Variants in PRELID2 observed in about 807,000 individuals in gnomAD.
The protein encoded by PRELID2 is PRELI domain-containing protein 2.
A neutral mutation model predicts 28.4 loss-of-function variants in PRELID2; 25 were observed. The observed-to-expected ratio is 0.88, with a 90% confidence interval of 0.64 to 1.23. The LOEUF is 1.23. Ranked by LOEUF, PRELID2 falls within the 50% of genes most tolerant of loss-of-function variation. PRELID2 has a pLI of 0.00. For synonymous variants in PRELID2, 76 were observed against 71.6 expected, an observed-to-expected ratio of 1.06 and a Z score of -0.31; for missense variants, 201 against 214.4, an observed-to-expected ratio of 0.94 and a Z score of 0.39.
chr5:145,361,871 C>T, the PRELID2 span, among the ~76,000 whole-genome samples: 1 of 152,132 alleles, frequency 6.6e-6, no homozygotes, highest in Non-Finnish European at 1.5e-5. Context: ...TCTGGAAAGT[C>T]CCAAATCATG....
rs1210135833 is a variant in PRELID2, at chr5:145,578,362, G to A, written n.71-105047C>T. On this transcript the variant is annotated intron_variant and non_coding_transcript_variant, in intron 1 of 2. Coordinates refer to the PRELID2 transcript ENST00000510259. The stretch of plus-strand genomic sequence containing the variant: ...TTAAAATAACTTAGTAGAGCTGCAA[G>A]TGGTGGGAGTGCAAAGAAAGTATGA... Among the ~76,000 whole-genome samples the A allele has an allele frequency of 3.9e-5, 6 of 152,140 alleles. No individual in the cohort carries two copies. The South Asian group carries it at 6.2e-4, about 16-fold the overall frequency.
At chr5:145,817,036 C>G (rs2149856653) in intron 4 of PRELID2, among the ~76,000 whole-genome samples, 1 of 150,440 alleles carries the variant, frequency 6.6e-6, no homozygotes, top group South Asian at 2.1e-4. Context: ...GTGACACATG[C>G]CTGAAACCTT....
At chr5:145,342,136 G>A in the PRELID2 span, among the ~76,000 whole-genome samples, 5 of 152,170 alleles carry the variant, frequency 3.3e-5, no homozygotes, top group Non-Finnish European at 5.9e-5. Context: ...AACTACCAGC[G>A]AAGAATACTA....
At chr5:145,601,803 T>C (rs1580995160) in intron 1 of PRELID2, among the ~76,000 whole-genome samples, 1 of 152,268 alleles carries the variant, frequency 6.6e-6, no homozygotes, top group Middle Eastern at 3.4e-3. Flanking sequence ...TATTGAGAGA[T>C]AATCCTAGAA....
At chr5:145,538,653 T>C (rs1452762944) in intron 1 of PRELID2, among the ~76,000 whole-genome samples, 1 of 151,974 alleles carries the variant, frequency 6.6e-6, no homozygotes, top group Non-Finnish European at 1.5e-5. Flanking sequence ...CATGAGACTT[T>C]TTAACTCTGG....
chr5:145,702,850 C>G (rs570492765), intron 1 of PRELID2, among the ~76,000 whole-genome samples: 173 of 152,324 alleles, frequency 1.1e-3, no homozygotes, highest in African/African-American at 4.0e-3. Context: ...GAAGATACCA[C>G]TTCTATGTGG....
At chr5:145,307,023 A>G in the PRELID2 span, among the ~76,000 whole-genome samples, 1 of 152,226 alleles carries the variant, frequency 6.6e-6, no homozygotes, top group Non-Finnish European at 1.5e-5. Flanking sequence ...TGATCTTTAT[A>G]GTCTTGCCAG....
At chr5:145,785,502 A>C (rs1751936780) in intron 5 of PRELID2, among the ~76,000 whole-genome samples, 1 of 152,230 alleles carries the variant, frequency 6.6e-6, no homozygotes, top group Non-Finnish European at 1.5e-5. Flanking sequence ...CAAGTTATAC[A>C]CTAGATACAG....
the PRELID2 span, among the ~76,000 whole-genome samples, chr5:145,459,989 T>C: frequency 6.6e-6 from 1 of 152,116 alleles, no homozygotes; most frequent in East Asian, 1.9e-4. Context: ...TTTTGTATTT[T>C]TAGTAGAGAC....
the PRELID2 span, among the ~76,000 whole-genome samples, chr5:145,268,342 T>A: frequency 6.6e-6 from 1 of 152,186 alleles, no homozygotes; most frequent in Non-Finnish European, 1.5e-5. Flanking sequence ...GGCTCTAGTT[T>A]CATTCTTCTT....
the PRELID2 span, among the ~76,000 whole-genome samples, chr5:145,320,427 C>G: frequency 6.6e-6 from 1 of 152,166 alleles, no homozygotes; most frequent in Admixed American, 6.5e-5. Context: ...CCCGCCACTA[C>G]GCCCGGCTAA....
chr5:145,810,100 T>C (rs2149841901), intron 4 of PRELID2, among the ~76,000 whole-genome samples: 1 of 152,334 alleles, frequency 6.6e-6, no homozygotes, highest in East Asian at 1.9e-4. Flanking sequence ...ACTTTTTTCT[T>C]CCTTCTGAAA....
the PRELID2 span, among the ~76,000 whole-genome samples, chr5:145,234,797 G>T: frequency 1.3e-5 from 2 of 152,040 alleles, no homozygotes; most frequent in Admixed American, 1.3e-4. Flanking sequence ...ACATAGAAGC[G>T]CATAGCTGGA....
chr5:145,593,472 C>CAGTTAA (rs1753259389), intron 1 of PRELID2, among the ~76,000 whole-genome samples: 1 of 152,126 alleles, frequency 6.6e-6, no homozygotes, highest in Non-Finnish European at 1.5e-5. Context: ...AACTGGAGTC[C>CAGTTAA]ATTGCAATCA....
At chr5:145,628,482 C>T (rs1198718654) in intron 1 of PRELID2, among the ~76,000 whole-genome samples, 2 of 152,056 alleles carry the variant, frequency 1.3e-5, no homozygotes, top group South Asian at 2.1e-4. Context: ...TGCCACCATG[C>T]CTGGCGAATT....
chr5:145,327,889 T>G, the PRELID2 span, among the ~76,000 whole-genome samples: 1 of 152,058 alleles, frequency 6.6e-6, no homozygotes, highest in Non-Finnish European at 1.5e-5. Flanking sequence ...ACCCATCAAC[T>G]TGTCATCTAC....
chr5:145,505,045 T>C (rs1184791606), intron 1 of PRELID2, among the ~76,000 whole-genome samples: 1 of 152,166 alleles, frequency 6.6e-6, no homozygotes, highest in Non-Finnish European at 1.5e-5. Context: ...ATTTGATATA[T>C]TGTCATTCAA....
intron 1 of PRELID2, among the ~76,000 whole-genome samples, chr5:145,641,453 GA>G (rs1393014448): frequency 6.6e-6 from 1 of 152,152 alleles, no homozygotes; most frequent in African/African-American, 2.4e-5. Context: ...AAACACTAAT[GA>G]CAAAAAAATG....
rs183371227 is a variant in PRELID2, at chr5:145,652,968, G to C, written n.70+111963C>G. Among the ~76,000 whole-genome samples, 666 of 152,306 alleles carry C rather than the reference G, an allele frequency of 4.4e-3. 7 individuals carry two copies. The highest frequency in any genetic ancestry group is 0.014 in the African/African-American group (600 of 41,558). On this transcript the variant is annotated intron_variant and non_coding_transcript_variant, in intron 1 of 2. Transcript: ENST00000510259. ...GACACAGACTGGCAAATTGGATAAA[G>C]AGTCAAGACCCATCAGTGTGCTGTA...
Sources: gnomAD v4.1 joint callset for allele counts (sites outside exome capture counted in the v4.1 genomes callset) on GRCh38, gnomAD v4.1.1 for gene constraint, MANE v1.5 for transcripts, NCBI Gene and HGNC (gene_info 2026-07-23, HGNC 2026-07-21) for gene names.